NEGR1: variants seen among roughly 807,000 people sequenced by gnomAD.
The protein encoded by NEGR1 is IgLON family member 4.
NEGR1 carries 10 observed loss-of-function variants against 40.9 expected under a neutral mutation model. That is an observed-to-expected ratio of 0.24 (90% CI 0.15 to 0.42). The LOEUF is 0.42. Among genes scored for constraint, NEGR1 ranks in the 10% least tolerant of loss-of-function variants. The pLI is 1.00. For synonymous variants in NEGR1, 185 were observed against 166.8 expected, an observed-to-expected ratio of 1.11 and a Z score of -0.84; for missense variants, 352 against 438.9, an observed-to-expected ratio of 0.80 and a Z score of 1.77.
intron 3 of NEGR1, among the ~76,000 whole-genome samples, chr1:71,769,804 A>C (rs1296884912): frequency 6.6e-6 from 1 of 152,216 alleles, no homozygotes; most frequent in Non-Finnish European, 1.5e-5. Flanking sequence ...ATTTAAACAC[A>C]TTTCAAAAGT....
intron 4 of NEGR1, among the ~76,000 whole-genome samples, chr1:71,682,033 G>T (rs898592413): frequency 6.6e-6 from 1 of 151,662 alleles, no homozygotes; most frequent in Non-Finnish European, 1.5e-5. Flanking sequence ...TGCCATGTTG[G>T]CCAGGCTGGT....
intron 3 of NEGR1, among the ~76,000 whole-genome samples, chr1:71,762,681 A>T (rs1290213702): frequency 2.0e-5 from 3 of 152,158 alleles, no homozygotes; most frequent in African/African-American, 7.2e-5. Context: ...GAATATAAAA[A>T]GCTAATTTCA....
At chr1:72,176,594 G>A (rs886542208) in intron 1 of NEGR1, among the ~76,000 whole-genome samples, 2 of 152,062 alleles carry the variant, frequency 1.3e-5, no homozygotes, top group Middle Eastern at 3.4e-3. Flanking sequence ...CACTGGATGA[G>A]TATTCTCAGG....
intron 2 of NEGR1, among the ~76,000 whole-genome samples, chr1:71,818,924 T>G (rs1042038833): frequency 3.9e-5 from 6 of 151,970 alleles, no homozygotes; most frequent in Non-Finnish European, 7.4e-5. Flanking sequence ...AAAGTACCTA[T>G]GTGGCTCACA....
chr1:71,642,444 G>C (rs183690429), intron 4 of NEGR1, among the ~76,000 whole-genome samples: 19 of 151,898 alleles, frequency 1.3e-4, no homozygotes, highest in Non-Finnish European at 2.4e-4. Context: ...GAAAAAATTG[G>C]GGGGGAGAGA....
intron 3 of NEGR1, among the ~76,000 whole-genome samples, chr1:71,701,501 T>G (rs553495755): frequency 6.6e-6 from 1 of 152,144 alleles, no homozygotes; most frequent in South Asian, 2.1e-4. Context: ...ACCACTCTAC[T>G]GTTTTCTTCT....
chr1:71,598,223 G>A (rs1224811149), intron 5 of NEGR1, among the ~76,000 whole-genome samples: 1 of 152,086 alleles, frequency 6.6e-6, no homozygotes. Context: ...CCAGGATATT[G>A]TATCTAAGTT....
chr1:71,459,867 A>C (rs773314375), intron 6 of NEGR1, among the ~76,000 whole-genome samples: 1 of 152,198 alleles, frequency 6.6e-6, no homozygotes, highest in Non-Finnish European at 1.5e-5. Context: ...CTCAATCATA[A>C]CTTCCTCAGA....
intron 6 of NEGR1, among the ~76,000 whole-genome samples, chr1:71,547,415 G>A (rs1647935338): frequency 6.6e-6 from 1 of 151,746 alleles, no homozygotes; most frequent in Non-Finnish European, 1.5e-5. Flanking sequence ...AAAAGGGATA[G>A]GCTGTTTCTG....
At position 71,611,059 on chromosome 1, in the gene NEGR1, G is replaced by A; in HGVS notation, c.755C>T (p.Pro252Leu). 1 of 1,613,994 alleles carries A rather than the reference G, an allele frequency of 6.2e-7. No homozygotes were observed. The highest frequency in any genetic ancestry group is 8.5e-7 in the Non-Finnish European group (1 of 1,179,924). Residue 252 changes from proline to leucine, a missense_variant, in exon 5 of 7, where the codon CCT becomes CTT. By Grantham distance (98) the Pro-to-Leu change is moderately conservative. This residue lies in a region of NEGR1 where 184 missense variants were observed against 208.7 expected (regional missense o/e 0.88). Transcript: ENST00000357731. ...TCCTTTGTACCATTCAAAGGCTGGA[G>A]GCGGCACACCTGCACCTTCACATCT... ...LIRCEGAGVP[P>L]PAFEWYKGEK...
At chr1:71,676,363 TA>T (rs1296794714) in intron 4 of NEGR1, among the ~76,000 whole-genome samples, 2 of 133,180 alleles carry the variant, frequency 1.5e-5, no homozygotes, top group Non-Finnish European at 3.2e-5. Flanking sequence ...TATCGTCTGG[TA>T]AAAAAATGAT....
chr1:72,248,299 C>T (rs905811364), intron 1 of NEGR1, among the ~76,000 whole-genome samples: 3 of 152,126 alleles, frequency 2.0e-5, no homozygotes, highest in African/African-American at 7.2e-5. Context: ...ACTCTGTCCC[C>T]TAGGCTAGTG....
chr1:72,208,253 A>G (rs1480401211), intron 1 of NEGR1, among the ~76,000 whole-genome samples: 1 of 151,758 alleles, frequency 6.6e-6, no homozygotes, highest in African/African-American at 2.4e-5. Context: ...AGTGATATAA[A>G]TTTCAAAAAT....
At chr1:71,632,448 TATG>T (rs1055092291) in intron 4 of NEGR1, among the ~76,000 whole-genome samples, 8 of 151,306 alleles carry the variant, frequency 5.3e-5, no homozygotes, top group East Asian at 1.9e-4. Flanking sequence ...TATAGATGTT[TATG>T]ATATTTTAAT....
intron 2 of NEGR1, among the ~76,000 whole-genome samples, chr1:71,902,619 A>G (rs1661171678): frequency 2.6e-5 from 4 of 152,082 alleles, no homozygotes; most frequent in Admixed American, 2.6e-4. Context: ...TGAATTAAAC[A>G]CCTTTTAACC....
At chr1:71,810,492 T>C (rs1000443975) in intron 2 of NEGR1, among the ~76,000 whole-genome samples, 8 of 152,122 alleles carry the variant, frequency 5.3e-5, no homozygotes, top group African/African-American at 1.9e-4. Flanking sequence ...ATATACAATA[T>C]GGAAACACAT....
At chr1:72,185,464 CAG>C (rs552626116) in intron 1 of NEGR1, among the ~76,000 whole-genome samples, 33 of 151,868 alleles carry the variant, frequency 2.2e-4, no homozygotes, top group Non-Finnish European at 4.0e-4. Context: ...ATTCCTTGTG[CAG>C]AGTCTGAAAA....
At chr1:72,095,217 G>A (rs1648653044) in intron 1 of NEGR1, among the ~76,000 whole-genome samples, 2 of 151,938 alleles carry the variant, frequency 1.3e-5, no homozygotes, top group Non-Finnish European at 2.9e-5. Flanking sequence ...TTAAAATACT[G>A]CATTTCAAAT....
chr1:72,160,951 T>C (rs1263840264), intron 1 of NEGR1, among the ~76,000 whole-genome samples: 1 of 152,204 alleles, frequency 6.6e-6, no homozygotes, highest in Admixed American at 6.6e-5. Context: ...GATCTATCCA[T>C]GTTTCCTGGC....
Sources: allele counts gnomAD v4.1 joint callset (sites outside exome capture counted in the v4.1 genomes callset), GRCh38; gene constraint gnomAD v4.1.1; regional missense constraint gnomAD v4.1.1; transcripts MANE v1.5; gene names NCBI Gene and HGNC (gene_info 2026-07-23, HGNC 2026-07-21).